PAPPA: variants seen among roughly 807,000 people sequenced by gnomAD.
PAPPA encodes the protein pappalysin 1, also known as pappalysin-1.
In PAPPA, 60 loss-of-function variants were observed where a neutral mutation model predicts 164.0. The observed-to-expected ratio is 0.37, with a 90% CI of 0.30 to 0.45. PAPPA has a LOEUF of 0.45. PAPPA is among the 20% of genes least tolerant of loss of function. PAPPA has a pLI of 1.00. For missense variants in PAPPA, 1,782 were observed against 2,087.3 expected, an observed-to-expected ratio of 0.85 and a Z score of 2.85; for synonymous variants, 875 against 814.1, an observed-to-expected ratio of 1.07 and a Z score of -1.27.
intron 1 of PAPPA, among the ~76,000 whole-genome samples, chr9:116,179,962 T>G (rs998227691): frequency 1.3e-5 from 2 of 152,094 alleles, no homozygotes; most frequent in Non-Finnish European, 2.9e-5. Context: ...ATTCCCCCTT[T>G]CATCCCCTCA....
rs933783644 is a variant in PAPPA at position 116,189,468 on chromosome 9, G to A, written c.1478+1252G>A. On this transcript the variant is annotated intron_variant, in intron 2 of 21. Coordinates refer to ENST00000328252, the MANE Select transcript of PAPPA (RefSeq NM_002581.5). ...AGAAATTGGGTGGAGGAAGAAGGGA[G>A]GACACTCCAGGCAGAAGGAATTTCT... Among the ~76,000 whole-genome samples the A allele has an allele frequency of 8.5e-5, 13 of 152,292 alleles. No individual in the cohort carries two copies. The South Asian group carries it at 2.1e-3, about 24-fold the overall frequency.
At chr9:116,325,596 G>C (rs1211723703) in intron 10 of PAPPA, among the ~76,000 whole-genome samples, 1 of 152,260 alleles carries the variant, frequency 6.6e-6, no homozygotes, top group Middle Eastern at 3.4e-3. Context: ...AGTGGACAAG[G>C]GGTCACTTGC....
At chr9:116,339,495 C>T (rs1846106783) in intron 13 of PAPPA, among the ~76,000 whole-genome samples, 1 of 152,148 alleles carries the variant, frequency 6.6e-6, no homozygotes, top group Admixed American at 6.5e-5. Context: ...GGATCATTCC[C>T]CCAGGTGCCT....
At chr9:116,247,863 T>G (rs1844815061) in intron 7 of PAPPA, among the ~76,000 whole-genome samples, 1 of 152,232 alleles carries the variant, frequency 6.6e-6, no homozygotes, top group Non-Finnish European at 1.5e-5. Flanking sequence ...GCACCAGCCT[T>G]GCTGTGGAAC....
chr9:116,179,710 C>T (rs1365588717), intron 1 of PAPPA, among the ~76,000 whole-genome samples: 1 of 152,172 alleles, frequency 6.6e-6, no homozygotes, highest in African/African-American at 2.4e-5. Context: ...TCCCCCCCGA[C>T]TGAACCAAGT....
intron 19 of PAPPA, among the ~76,000 whole-genome samples, chr9:116,375,188 A>C (rs1023995513): frequency 6.6e-6 from 1 of 152,272 alleles, no homozygotes; most frequent in Non-Finnish European, 1.5e-5. Context: ...ATTCCAAATC[A>C]GAATTGCAAC....
intron 1 of PAPPA, among the ~76,000 whole-genome samples, chr9:116,172,259 C>T (rs535515755): frequency 1.3e-5 from 2 of 152,286 alleles, no homozygotes; most frequent in East Asian, 1.9e-4. Flanking sequence ...AACCCCTCCA[C>T]CATAAACCTC....
chr9:116,265,175 C>A (rs1448482695), intron 7 of PAPPA, among the ~76,000 whole-genome samples: 2 of 152,170 alleles, frequency 1.3e-5, no homozygotes, highest in African/African-American at 4.8e-5. Context: ...CTCAGATTCA[C>A]CATCTGTAAA....
chr9:116,268,467 T>G (rs992775188), intron 8 of PAPPA, among the ~76,000 whole-genome samples: 1 of 152,120 alleles, frequency 6.6e-6, no homozygotes, highest in Non-Finnish European at 1.5e-5. Flanking sequence ...ATCTAGACTA[T>G]CCAGAAAACA....
At chr9:116,260,737 C>T (rs1844991519) in intron 7 of PAPPA, among the ~76,000 whole-genome samples, 1 of 146,642 alleles carries the variant, frequency 6.8e-6, no homozygotes, top group South Asian at 2.2e-4. Flanking sequence ...ATTCTTCTTT[C>T]ATAGTTAAAA....
chr9:116,179,528 TCCCTTTAAGCCTCC>T (rs1198515580), intron 1 of PAPPA, among the ~76,000 whole-genome samples: 1 of 152,198 alleles, frequency 6.6e-6, no homozygotes, highest in Non-Finnish European at 1.5e-5. Flanking sequence ...CCTGTATGTC[TCCCTTTAAGCCTCC>T]TCCTTCCACT....
At chr9:116,183,973 G>A (rs1843938113) in intron 1 of PAPPA, among the ~76,000 whole-genome samples, 1 of 152,146 alleles carries the variant, frequency 6.6e-6, no homozygotes, top group South Asian at 2.1e-4. Context: ...AAAGGCAACA[G>A]GAAAACCAGA....
chr9:116,285,167 C>CTTTTTT (rs1177249949), intron 9 of PAPPA, among the ~76,000 whole-genome samples: 3 of 90,090 alleles, frequency 3.3e-5, no homozygotes, highest in South Asian at 4.1e-4. Flanking sequence ...TCTTTTCTTT[C>CTTTTTT]TTTCTTTTTT....
intron 21 of PAPPA, 72 bp from the exon 22 acceptor site, chr9:116,396,437 C>A: frequency 1.3e-6 from 1 of 769,450 alleles, no homozygotes. Context: ...TGATTGTATC[C>A]CTGCGCTGCA....
chr9:116,300,241 C>G (rs1845563038), intron 9 of PAPPA, among the ~76,000 whole-genome samples: 1 of 149,958 alleles, frequency 6.7e-6, no homozygotes, highest in Non-Finnish European at 1.5e-5. Context: ...TTCTTTCTTT[C>G]TTTTCTCTTT....
rs1845130543 is a variant in PAPPA at position 116,271,152 on chromosome 9, A to G, written c.2862-173A>G. On this transcript the variant is annotated intron_variant, in intron 8 of 21. Coordinates refer to ENST00000328252, the MANE Select transcript of PAPPA (RefSeq NM_002581.5). This position sits in a 1 kb window ranked among gnomAD's most constrained non-coding sequence, Gnocchi z 4.2. ...AGGCAAATGTGAAAGTATCTTATAA[A>G]TCCATACCTTTTAGAAATCTCATTT... is the stretch of plus-strand genomic sequence containing the variant. Among the ~76,000 whole-genome samples, 1 of 152,218 alleles carries G rather than the reference A, an allele frequency of 6.6e-6. No individual in the cohort carries two copies. The highest frequency in any genetic ancestry group is 1.5e-5 in the Non-Finnish European group (1 of 68,046).
chr9:116,382,833 C>T (rs1260817863), intron 21 of PAPPA, among the ~76,000 whole-genome samples: 2 of 152,016 alleles, frequency 1.3e-5, no homozygotes, highest in Non-Finnish European at 2.9e-5. Flanking sequence ...GAGGCATCTG[C>T]ACTGAAACTT....
At chr9:116,239,423 C>G (rs1844710550) in intron 7 of PAPPA, among the ~76,000 whole-genome samples, 1 of 152,094 alleles carries the variant, frequency 6.6e-6, no homozygotes. Flanking sequence ...ACACATTAAG[C>G]CCTTCTCTAT....
intron 9 of PAPPA, among the ~76,000 whole-genome samples, chr9:116,289,208 A>ATATAT (rs1845392353): frequency 9.2e-5 from 1 of 10,890 alleles, no homozygotes. Flanking sequence ...ATATATATAT[A>ATATAT]GCATATATGT....
Sources: allele counts gnomAD v4.1 joint callset (sites outside exome capture counted in the v4.1 genomes callset), GRCh38; gene constraint gnomAD v4.1.1; non-coding constraint Gnocchi (gnomAD v3.1); transcripts MANE v1.5; gene names NCBI Gene and HGNC (gene_info 2026-07-23, HGNC 2026-07-21).